CNTLN: variants seen among roughly 807,000 people sequenced by gnomAD.
CNTLN encodes centlein, centrosomal protein.
CNTLN carries 212 observed loss-of-function variants against 180.0 expected under a neutral mutation model. That is an observed-to-expected ratio of 1.18 (90% CI 1.05 to 1.32). The LOEUF is 1.32. Ranked by LOEUF, CNTLN falls within the 40% of genes most tolerant of loss-of-function variation. The pLI is 0.00. For missense variants in CNTLN, 2,095 were observed against 1,610.9 expected (o/e 1.30, Z -5.14); for synonymous variants, 722 against 563.1 (o/e 1.28, Z -3.99).
chr9:17,330,767 T>G lies in CNTLN; in HGVS notation c.1477T>G (p.Ser493Ala). 1 of 1,610,212 alleles carries G rather than the reference T, an allele frequency of 6.2e-7. No homozygotes were observed. The highest frequency in any genetic ancestry group is 8.5e-7 in the Non-Finnish European group (1 of 1,178,066). ...AAACATATCTGCCAACAAGGGTTTC[T>G]CCCGAAAGAGCATCATGACAAGTGC... ...SENISANKGF[S>A]RKSIMTSAEG... The change falls in exon 9 of 26, where the codon TCC becomes GCC. Residue 493 changes from serine to alanine, a missense_variant. Coordinates refer to ENST00000380647, the MANE Select transcript of CNTLN (RefSeq NM_017738.4).
chr9:17,449,239 A>T (rs2134101220), intron 18 of CNTLN, among the ~76,000 whole-genome samples: 1 of 152,230 alleles, frequency 6.6e-6, no homozygotes, highest in African/African-American at 2.4e-5. Context: ...TTCTACCATT[A>T]GGTATATCTC....
chr9:17,212,871 A>G (rs989460559), intron 2 of CNTLN, among the ~76,000 whole-genome samples: 15 of 151,942 alleles, frequency 9.9e-5, no homozygotes, highest in African/African-American at 1.9e-4. Context: ...TCTGATGGTA[A>G]TTTGTATTTC....
intron 6 of CNTLN, among the ~76,000 whole-genome samples, chr9:17,283,955 G>A (rs141488141): frequency 0.016 from 2,408 of 152,198 alleles, 67 homozygotes; most frequent in African/African-American, 0.055. Context: ...TGACTTGATC[G>A]TGGTGGATAA....
chr9:17,293,285 T>C (rs1817529350), intron 6 of CNTLN, among the ~76,000 whole-genome samples: 1 of 152,256 alleles, frequency 6.6e-6, no homozygotes, highest in African/African-American at 2.4e-5. Flanking sequence ...TGAAGCATTC[T>C]GGCTGCCCCT....
chr9:17,509,378 C>T, the CNTLN span, among the ~76,000 whole-genome samples: 1 of 152,176 alleles, frequency 6.6e-6, no homozygotes, highest in East Asian at 1.9e-4. Context: ...GCCTTATTTG[C>T]ACAAAATGCT....
rs766830805 is a variant in CNTLN, at chr9:17,236,572, C to T, written c.833C>T (p.Thr278Ile). Residue 278 changes from threonine to isoleucine, a missense_variant, in exon 5 of 26, where the codon ACT becomes ATT. Thr to Ile is a moderately conservative substitution (Grantham distance 89, BLOSUM62 -1). Coordinates refer to ENST00000380647, the MANE Select transcript of CNTLN (RefSeq NM_017738.4). ...CATTTGAGAAAAGAAAAATATAGCA[C>T]TGATGCAAAAATAAAGGTATACAAT... ...EAHLRKEKYS[T>I]DAKIKTFEDN... is the part of the protein sequence containing the mutation. The T allele has an allele frequency of 1.2e-6, 2 of 1,607,562 alleles. No homozygotes were observed. Among genetic ancestry groups the T allele is most frequent in the Admixed American group, 3.4e-5 (2 of 58,444 alleles).
At chr9:17,456,773 G>A (rs904735721) in intron 18 of CNTLN, among the ~76,000 whole-genome samples, 7 of 152,078 alleles carry the variant, frequency 4.6e-5, no homozygotes, top group African/African-American at 1.7e-4. Flanking sequence ...GAGTTGTTAT[G>A]CCATTATAGT....
At chr9:17,209,091 G>T (rs1823113090) in intron 2 of CNTLN, among the ~76,000 whole-genome samples, 1 of 151,950 alleles carries the variant, frequency 6.6e-6, no homozygotes, top group Admixed American at 6.6e-5. Flanking sequence ...AAACTTTCCT[G>T]TTAGTACTGC....
intron 2 of CNTLN, among the ~76,000 whole-genome samples, chr9:17,161,625 A>G (rs1160325623): frequency 6.6e-6 from 1 of 152,234 alleles, no homozygotes; most frequent in Non-Finnish European, 1.5e-5. Flanking sequence ...GGCTTTAAAA[A>G]TTAGTATTAG....
intron 25 of CNTLN, among the ~76,000 whole-genome samples, chr9:17,491,574 T>C (rs1833164654): frequency 6.6e-6 from 1 of 152,138 alleles, no homozygotes; most frequent in Non-Finnish European, 1.5e-5. Context: ...TTATTCTTTG[T>C]TATTTGCTAA....
chr9:17,231,352 T>A (rs914967313), intron 3 of CNTLN, among the ~76,000 whole-genome samples: 1 of 151,918 alleles, frequency 6.6e-6, no homozygotes, highest in Non-Finnish European at 1.5e-5. Context: ...CACACACAGT[T>A]TTTTTTTAGC....
At chr9:17,440,493 G>T (rs1458256889) in intron 18 of CNTLN, among the ~76,000 whole-genome samples, 3 of 150,926 alleles carry the variant, frequency 2.0e-5, no homozygotes, top group South Asian at 2.1e-4. Context: ...AGAGGCTGAG[G>T]CAGGAGAATG....
At position 17,179,261 on chromosome 9, in the gene CNTLN, A is replaced by G. The variant is rs11560446; in HGVS notation, c.449+35885A>G. 6.8e-4 allele frequency among the ~76,000 whole-genome samples: 94 copies of G among 138,654 alleles called. No individual in the cohort carries two copies. The East Asian group carries it at 7.5e-3, about 11-fold the overall frequency. 91.0% of individuals were successfully genotyped at this position (138,654 alleles called of 152,430 possible). A position where few individuals can be genotyped will look rare whatever the true frequency, so the allele number is the denominator to read the frequency against. The stretch of plus-strand genomic sequence containing the variant: ...TCCGTCTCAAAAAAAAAAAAAAAAA[A>G]AAGAAGAAGTGTAGATTATTGATTT... On this transcript the variant is annotated intron_variant, in intron 2 of 25. Coordinates refer to ENST00000380647, the MANE Select transcript of CNTLN (RefSeq NM_017738.4).
the CNTLN span, among the ~76,000 whole-genome samples, chr9:17,510,235 AT>A: frequency 6.6e-6 from 1 of 152,174 alleles, no homozygotes; most frequent in South Asian, 2.1e-4. Flanking sequence ...GGAATAGGGA[AT>A]AAGTAGTTGA....
At chr9:17,479,586 A>G (rs886873063) in intron 23 of CNTLN, among the ~76,000 whole-genome samples, 2 of 152,214 alleles carry the variant, frequency 1.3e-5, no homozygotes, top group Admixed American at 6.5e-5. Context: ...TTCAAGCAAG[A>G]TGAATAAGCT....
At chr9:17,440,291 C>T (rs974499361) in intron 18 of CNTLN, among the ~76,000 whole-genome samples, 9 of 151,658 alleles carry the variant, frequency 5.9e-5, no homozygotes, top group African/African-American at 1.5e-4. Context: ...ACTGAAAACA[C>T]GGCCGGGCAT....
At chr9:17,213,004 A>T (rs570894924) in intron 2 of CNTLN, among the ~76,000 whole-genome samples, 175 of 152,124 alleles carry the variant, frequency 1.2e-3, no homozygotes, top group Non-Finnish European at 2.1e-3. Context: ...TCAAAAAACC[A>T]GCTGCTAGAT....
chr9:17,211,570 A>G (rs1205222162), intron 2 of CNTLN, among the ~76,000 whole-genome samples: 1 of 152,050 alleles, frequency 6.6e-6, no homozygotes, highest in Admixed American at 6.6e-5. Flanking sequence ...ACTTTAAAGT[A>G]GTTTTTTCCA....
intron 25 of CNTLN, among the ~76,000 whole-genome samples, chr9:17,492,880 G>A (rs1833242081): frequency 2.0e-5 from 3 of 152,246 alleles, no homozygotes; most frequent in South Asian, 2.1e-4. Flanking sequence ...TGTGGTTTAT[G>A]CATACAGTTT....
Sources: gnomAD v4.1 joint callset for allele counts (sites outside exome capture counted in the v4.1 genomes callset) on GRCh38, gnomAD v4.1.1 for gene constraint, MANE v1.5 for transcripts, NCBI Gene and HGNC (gene_info 2026-07-23, HGNC 2026-07-21) for gene names.